BTBD9: variants seen among roughly 807,000 people sequenced by gnomAD.
BTBD9 encodes BTB/POZ domain-containing protein 9.
A neutral mutation model predicts 64.3 loss-of-function variants in BTBD9; 49 were observed. The observed-to-expected ratio is 0.76, with a 90% CI of 0.61 to 0.97. The LOEUF is 0.97. Ranked by LOEUF, BTBD9 falls within the 50% of genes least tolerant of loss-of-function variation. The pLI is 0.00. For synonymous variants in BTBD9, 260 were observed against 274.7 expected, an observed-to-expected ratio of 0.95 and a Z score of 0.53; for missense variants, 598 against 762.1, an observed-to-expected ratio of 0.78 and a Z score of 2.53.
chr6:38,458,816 G>C (rs1399753952), intron 6 of BTBD9, among the ~76,000 whole-genome samples: 1 of 152,026 alleles, frequency 6.6e-6, no homozygotes, highest in Non-Finnish European at 1.5e-5. Context: ...AGAATATATT[G>C]ATTCTGTTTC....
chr6:38,341,130 A>G (rs1764081256), intron 7 of BTBD9, among the ~76,000 whole-genome samples: 1 of 152,242 alleles, frequency 6.6e-6, no homozygotes, highest in African/African-American at 2.4e-5. Context: ...AAGAGATTAA[A>G]GAATCACAAC....
intron 9 of BTBD9, among the ~76,000 whole-genome samples, chr6:38,209,617 G>C (rs1477308798): frequency 6.6e-6 from 1 of 152,186 alleles, no homozygotes; most frequent in Non-Finnish European, 1.5e-5. Context: ...CTCTGGGGGG[G>C]TGGGCCCTGC....
At chr6:38,510,170 G>A (rs1012730007) in intron 6 of BTBD9, among the ~76,000 whole-genome samples, 4 of 152,144 alleles carry the variant, frequency 2.6e-5, no homozygotes, top group Non-Finnish European at 5.9e-5. Context: ...ATTTCATCAT[G>A]GCGTGAACAT....
chr6:38,209,725 A>G (rs1762767783), intron 9 of BTBD9, among the ~76,000 whole-genome samples: 1 of 152,168 alleles, frequency 6.6e-6, no homozygotes, highest in Non-Finnish European at 1.5e-5. Flanking sequence ...GCTTGCTAGC[A>G]TGGACATGTG....
intron 6 of BTBD9, among the ~76,000 whole-genome samples, chr6:38,428,100 G>A (rs1454878255): frequency 6.6e-6 from 1 of 151,930 alleles, no homozygotes; most frequent in Non-Finnish European, 1.5e-5. Flanking sequence ...GTTCTAGGAA[G>A]GGAGCTTTTT....
chr6:38,192,702 C>T (rs749411761), intron 9 of BTBD9, 105 bp from the exon 10 acceptor site: 46 of 959,120 alleles, frequency 4.8e-5, no homozygotes, highest in Non-Finnish European at 6.6e-5. Flanking sequence ...TTCCTGTCCT[C>T]GGAGACCTGC....
intron 6 of BTBD9, among the ~76,000 whole-genome samples, chr6:38,555,000 G>GAAACAAAGACTTCAA (rs1182316007): frequency 6.6e-6 from 1 of 152,194 alleles, no homozygotes; most frequent in Non-Finnish European, 1.5e-5. Context: ...CTACTAAAGA[G>GAAACAAAGACTTCAA]AAACAAAGAC....
At chr6:38,225,735 G>A (rs1481740752) in intron 9 of BTBD9, among the ~76,000 whole-genome samples, 4 of 151,878 alleles carry the variant, frequency 2.6e-5, no homozygotes, top group Non-Finnish European at 5.9e-5. Flanking sequence ...GGCAAGGGCA[G>A]GGGTACGAGG....
intron 1 of BTBD9, chr6:38,612,982 C>A (rs896479495): frequency 2.0e-5 from 3 of 152,154 alleles, no homozygotes; most frequent in Non-Finnish European, 4.4e-5. Context: ...TGGCCACTTG[C>A]CACATGTGGC....
At position 38,580,571 on chromosome 6, in the gene BTBD9, T is replaced by C. The variant is rs533484107; in HGVS notation, c.815-134A>G. 142 of 746,422 alleles carry C rather than the reference T, an allele frequency of 1.9e-4. No homozygotes were observed. The African/African-American group carries it at 2.2e-3, about 11-fold the overall frequency. The allele number at this position is 746,422 out of a possible 1,614,324, so 46.2% of individuals were successfully genotyped here. A position where few individuals can be genotyped will look rare whatever the true frequency, so the allele number is the denominator to read the frequency against. On this transcript the variant is annotated intron_variant, in intron 4 of 10. Transcript: ENST00000481247. ...GAACAGCATAGACAAGTTTATTGGA[T>C]AGAAAATACAGAACATCTATGAGGA...
intron 9 of BTBD9, among the ~76,000 whole-genome samples, chr6:38,254,464 A>T (rs1364817892): frequency 2.0e-5 from 3 of 151,980 alleles, no homozygotes; most frequent in Non-Finnish European, 4.4e-5. Flanking sequence ...ACAAACAAAC[A>T]AACAAACAAA....
At chr6:38,634,144 C>G (rs1027687724) in intron 1 of BTBD9, among the ~76,000 whole-genome samples, 1 of 152,186 alleles carries the variant, frequency 6.6e-6, no homozygotes, top group African/African-American at 2.4e-5. Flanking sequence ...GCTAAGCTGT[C>G]AGTCATGAAG....
At chr6:38,363,417 A>T (rs548844532) in intron 6 of BTBD9, among the ~76,000 whole-genome samples, 2 of 152,228 alleles carry the variant, frequency 1.3e-5, no homozygotes, top group Non-Finnish European at 2.9e-5. Flanking sequence ...CAAACTAACA[A>T]AAACCTAAAC....
intron 6 of BTBD9, among the ~76,000 whole-genome samples, chr6:38,388,694 T>C (rs1006371352): frequency 1.3e-5 from 2 of 152,200 alleles, no homozygotes; most frequent in Admixed American, 1.3e-4. Flanking sequence ...CCATCAATCC[T>C]TTGGCCAGTA....
At chr6:38,353,795 C>G (rs965200642) in intron 6 of BTBD9, among the ~76,000 whole-genome samples, 2 of 152,078 alleles carry the variant, frequency 1.3e-5, no homozygotes, top group East Asian at 1.9e-4. Flanking sequence ...GAATTGTGAA[C>G]TAGAGAAAAA....
intron 7 of BTBD9, among the ~76,000 whole-genome samples, chr6:38,296,858 A>G (rs1458889817): frequency 6.6e-6 from 1 of 152,186 alleles, no homozygotes; most frequent in Non-Finnish European, 1.5e-5. Context: ...TGTGGAAAAA[A>G]AACTGTGGTG....
chr6:38,180,183 G>A, intron 10 of BTBD9, among the ~76,000 whole-genome samples: 1 of 152,214 alleles, frequency 6.6e-6, no homozygotes, highest in Middle Eastern at 3.2e-3. Flanking sequence ...AGATTTGCAC[G>A]CAATGCAAAT....
chr6:38,621,890 C>G (rs531004523), intron 1 of BTBD9, among the ~76,000 whole-genome samples: 4 of 152,316 alleles, frequency 2.6e-5, no homozygotes, highest in Admixed American at 6.5e-5. Context: ...TGGAAGGACC[C>G]TTGGTATGGA....
At chr6:38,232,062 T>C (rs1040342529) in intron 9 of BTBD9, among the ~76,000 whole-genome samples, 3 of 152,344 alleles carry the variant, frequency 2.0e-5, no homozygotes, top group Non-Finnish European at 4.4e-5. Flanking sequence ...GTTTCTCTGC[T>C]ATAGTTTCAG....
Sources: gnomAD v4.1 joint callset for allele counts (sites outside exome capture counted in the v4.1 genomes callset) on GRCh38, gnomAD v4.1.1 for gene constraint, MANE v1.5 for transcripts, NCBI Gene and HGNC (gene_info 2026-07-23, HGNC 2026-07-21) for gene names.